VPS50: variants seen among roughly 807,000 people sequenced by gnomAD.
VPS50 encodes the protein syndetin.
A neutral mutation model predicts 139.7 loss-of-function variants in VPS50; 70 were observed. The ratio of observed to expected loss-of-function variants is 0.50; its 90% confidence interval spans 0.41 to 0.61. VPS50 has a LOEUF of 0.61. Ranked by LOEUF, VPS50 falls within the 20% of genes least tolerant of loss-of-function variation. The pLI, the probability that VPS50 is intolerant of heterozygous loss-of-function variation, is 0.00. For synonymous variants in VPS50, 365 were observed against 376.7 expected (o/e 0.97, Z 0.36); for missense variants, 921 against 1,133.7 (o/e 0.81, Z 2.69).
chr7:93,305,830 A>T lies in VPS50; in HGVS notation c.1455A>T (p.Glu485Asp). Residue 485 changes from glutamate to aspartate, a missense_variant and splice_region_variant, in exon 18 of 28, where the codon GAA becomes GAT. Transcript: ENST00000305866. ...KSNFSILQLH[E>D]FKFMEQSRSP... ...CTGGCTCCTTTTTTAACATCTAGGAATTTAAATTCATGGAACAGTCTCGCT... is the reference window on the plus strand; with the variant it reads ...CTGGCTCCTTTTTTAACATCTAGGATTTTAAATTCATGGAACAGTCTCGCT... 1.2e-6 allele frequency: 2 copies of T among 1,611,598 alleles called. No individual in the cohort carries two copies. The highest frequency in any genetic ancestry group is 2.2e-5 in the South Asian group (2 of 90,984).
intron 9 of VPS50, among the ~76,000 whole-genome samples, chr7:93,267,382 T>G (rs1023087701): frequency 6.6e-6 from 1 of 152,230 alleles, no homozygotes; most frequent in Admixed American, 6.5e-5. Flanking sequence ...TAAAACATTC[T>G]CTTCCCTTTC....
intron 24 of VPS50, among the ~76,000 whole-genome samples, chr7:93,349,420 C>T (rs1156328082): frequency 6.6e-6 from 1 of 152,102 alleles, no homozygotes; most frequent in African/African-American, 2.4e-5. Context: ...GGGTTTGAAA[C>T]AGGTGAGTGG....
At chr7:93,272,526 T>C (rs1456201446) in intron 10 of VPS50, 109 bp from the exon 11 acceptor site, 5 of 476,286 alleles carry the variant, frequency 1.0e-5, no homozygotes, top group Non-Finnish European at 1.9e-5. Context: ...TGATAGTAAA[T>C]GTATTTAAAT....
chr7:93,345,061 A>G (rs1584491181), intron 23 of VPS50, among the ~76,000 whole-genome samples: 1 of 152,322 alleles, frequency 6.6e-6, no homozygotes, highest in East Asian at 1.9e-4. Flanking sequence ...GAAAGGATCA[A>G]CAAAATTGAT....
intron 26 of VPS50, among the ~76,000 whole-genome samples, chr7:93,354,290 CTT>C (rs1182635599): frequency 8.3e-6 from 1 of 120,298 alleles, no homozygotes; most frequent in South Asian, 2.4e-4. Context: ...TTTTTCTTTT[CTT>C]TTCTTTCTTT....
chr7:93,303,315 T>C, intron 16 of VPS50, 145 bp from the exon 17 acceptor site: 1 of 402,966 alleles, frequency 2.5e-6, no homozygotes, highest in Non-Finnish European at 4.4e-6. Context: ...TTCTGTTTAC[T>C]GTGTTAATCA....
At chr7:93,268,067 T>A (rs1795893734) in intron 9 of VPS50, among the ~76,000 whole-genome samples, 1 of 152,182 alleles carries the variant, frequency 6.6e-6, no homozygotes, top group Non-Finnish European at 1.5e-5. Flanking sequence ...GGCTGCCAGA[T>A]GTAAGACCAT....
intron 13 of VPS50, among the ~76,000 whole-genome samples, chr7:93,293,125 C>A (rs1176915668): frequency 6.6e-6 from 1 of 152,030 alleles, no homozygotes; most frequent in Non-Finnish European, 1.5e-5. Context: ...ATCTACCCTG[C>A]AGGGTTGTTG....
chr7:93,285,252 C>CTGTT (rs1796449897), intron 12 of VPS50, among the ~76,000 whole-genome samples: 1 of 152,146 alleles, frequency 6.6e-6, no homozygotes, highest in Admixed American at 6.5e-5. Flanking sequence ...GCCAAAACAT[C>CTGTT]TGTTCCCTTT....
intron 1 of VPS50, among the ~76,000 whole-genome samples, chr7:93,232,715 GT>G (rs1794673162): frequency 6.6e-6 from 1 of 152,062 alleles, no homozygotes; most frequent in African/African-American, 2.4e-5. Context: ...AGAAATATTC[GT>G]TTAAAAATAA....
At chr7:93,276,115 A>G in intron 11 of VPS50, 50 bp from the exon 12 acceptor site, 1 of 1,473,950 alleles carries the variant, frequency 6.8e-7, no homozygotes, top group Non-Finnish European at 9.1e-7. Flanking sequence ...GTTGAAATTT[A>G]TTTATTTTAA....
chr7:93,247,396 C>G (rs905482264), intron 2 of VPS50, among the ~76,000 whole-genome samples: 7 of 151,928 alleles, frequency 4.6e-5, no homozygotes, highest in Admixed American at 3.3e-4. Flanking sequence ...TTTTTCTATC[C>G]TGCGGAAGCC....
chr7:93,240,247 A>ACTCTCTCTCT, intron 2 of VPS50, among the ~76,000 whole-genome samples: 1 of 144,082 alleles, frequency 6.9e-6, no homozygotes, highest in African/African-American at 2.7e-5. Flanking sequence ...ACACACACAC[A>ACTCTCTCTCT]CACTCTCTCT....
chr7:93,321,229 C>G (rs1440622013), intron 20 of VPS50: 2 of 152,214 alleles, frequency 1.3e-5, no homozygotes, highest in African/African-American at 4.8e-5. Context: ...TTGCCAACCT[C>G]TGGTCTAGAA....
chr7:93,239,715 A>G, intron 1 of VPS50, 151 bp from the exon 2 acceptor site: 2 of 506,478 alleles, frequency 3.9e-6, no homozygotes, highest in South Asian at 4.4e-5. Flanking sequence ...TATGTATTAA[A>G]TGATGATTGC....
chr7:93,321,829 T>C (rs925273019), intron 20 of VPS50, among the ~76,000 whole-genome samples: 1 of 152,238 alleles, frequency 6.6e-6, no homozygotes, highest in African/African-American at 2.4e-5. Context: ...ATTCTACTTA[T>C]TCATCTTTGT....
chr7:93,360,291 A>T lies in VPS50; in HGVS notation c.*1855A>T, dbSNP rs1377389443. The T allele has an allele frequency of 6.6e-6, 1 of 151,930 alleles. No homozygotes were observed. The highest frequency in any genetic ancestry group is 1.5e-5 in the Non-Finnish European group (1 of 67,990). 9.4% of individuals were successfully genotyped at this position (151,930 alleles called of 1,614,324 possible). A position where few individuals can be genotyped will look rare whatever the true frequency, so the allele number is the denominator to read the frequency against. On this transcript the variant is annotated 3_prime_UTR_variant, in exon 28 of 28. Transcript: ENST00000305866. ...TAATAGGAATTGATACAAAAGAATT[A>T]CTTATCTTGTTAGAGACTCGACCAT...
In VPS50 at chr7:93,358,758, T is replaced by C; in HGVS notation, c.*322T>C. 1 of 185,464 alleles carries C rather than the reference T, an allele frequency of 5.4e-6. No individual in the cohort carries two copies. The highest frequency in any genetic ancestry group is 1.3e-4 in the South Asian group (1 of 7,616). The allele number at this position is 185,464 out of a possible 1,614,324, so 11.5% of individuals were successfully genotyped here. A position where few individuals can be genotyped will look rare whatever the true frequency, so the allele number is the denominator to read the frequency against. The stretch of plus-strand genomic sequence containing the variant: ...TAATTAGAAGAACAGTGGCTTAATA[T>C]ATGTATGGGAAGTTTATGGAAAATG... On this transcript the variant is annotated 3_prime_UTR_variant, in exon 28 of 28. Transcript: ENST00000305866.
chr7:93,237,462 G>T (rs1794849330), intron 1 of VPS50, among the ~76,000 whole-genome samples: 1 of 152,078 alleles, frequency 6.6e-6, no homozygotes, highest in Non-Finnish European at 1.5e-5. Flanking sequence ...TGTACATTTG[G>T]CAGAAATTTG....
Sources: allele counts gnomAD v4.1 joint callset (sites outside exome capture counted in the v4.1 genomes callset), GRCh38; gene constraint gnomAD v4.1.1; transcripts MANE v1.5; gene names NCBI Gene and HGNC (gene_info 2026-07-23, HGNC 2026-07-21).